Variants in G2E3 observed in about 807,000 individuals in gnomAD.
G2E3 encodes G2/M-phase specific E3 ubiquitin protein ligase.
Under a neutral mutation model 92.8 loss-of-function variants are expected in G2E3, and 35 were observed. That is an observed-to-expected ratio of 0.38 (90% CI 0.29 to 0.50). G2E3 has a LOEUF of 0.50. G2E3 is among the 20% of genes least tolerant of loss of function. The pLI is 0.94. For synonymous variants in G2E3, 242 were observed against 272.4 expected (o/e 0.89, Z 1.10); for missense variants, 554 against 823.8 (o/e 0.67, Z 4.01).
intron 7 of G2E3, among the ~76,000 whole-genome samples, chr14:30,597,796 G>C (rs1881363018): frequency 6.6e-6 from 1 of 152,002 alleles, no homozygotes; most frequent in Non-Finnish European, 1.5e-5. Flanking sequence ...CTTATAATAG[G>C]CTTCAAAATG....
At chr14:30,616,109 T>C (rs1241330026) in intron 14 of G2E3, among the ~76,000 whole-genome samples, 169 bp from the exon 15 acceptor site, 2 of 152,176 alleles carry the variant, frequency 1.3e-5, no homozygotes, top group Non-Finnish European at 2.9e-5. Context: ...TTATGTACTG[T>C]TTGCCTGTTA....
chr14:30,614,774 T>C (rs1028444794), intron 13 of G2E3, among the ~76,000 whole-genome samples: 2 of 152,220 alleles, frequency 1.3e-5, no homozygotes, highest in Non-Finnish European at 2.9e-5. Context: ...TTTTAAAATA[T>C]TCAGTTGTTA....
At position 30,616,784 on chromosome 14, in the gene G2E3, A is replaced by G; in HGVS notation, c.*250A>G. The G allele has an allele frequency of 7.0e-6, 2 of 284,172 alleles. No individual in the cohort carries two copies. Among genetic ancestry groups the G allele is most frequent in the Non-Finnish European group, 1.3e-5 (2 of 154,632 alleles). The allele number at this position is 284,172 out of a possible 1,614,324, so 17.6% of individuals were successfully genotyped here. ...ATATAGATACTTCATAAACCTCAAT[A>G]TAAATACTCTCAAAATGGTTGTATG... On this transcript the variant is annotated 3_prime_UTR_variant, in exon 15 of 15. Coordinates refer to ENST00000206595, the MANE Select transcript of G2E3 (RefSeq NM_017769.5).
At chr14:30,564,249 ACAATGG>A (rs1879297411) in intron 1 of G2E3, among the ~76,000 whole-genome samples, 1 of 152,222 alleles carries the variant, frequency 6.6e-6, no homozygotes, top group South Asian at 2.1e-4. Context: ...ACCTTTGTGT[ACAATGG>A]ACATATGCCT....
chr14:30,592,339 A>G lies in G2E3; in HGVS notation c.254A>G (p.Lys85Arg), dbSNP rs192177091. ...CTCTTCTAGAAATGCTGTGTTTGCA[A>G]GAAAAATGGTGCTTCAATTGGATGT... ...RASKLKCCVC[K>R]KNGASIGCVA... Residue 85 changes from lysine to arginine, a missense_variant, in exon 5 of 15, where the codon AAG becomes AGG. Physicochemically the swap from Lys to Arg is conservative, Grantham distance 26. Transcript: ENST00000206595. 1 of 1,612,850 alleles carries G rather than the reference A, an allele frequency of 6.2e-7. No individual in the cohort carries two copies. Among genetic ancestry groups the G allele is most frequent in the African/African-American group, 1.3e-5 (1 of 74,986 alleles).
intron 2 of G2E3, among the ~76,000 whole-genome samples, chr14:30,585,636 T>C (rs1443335952): frequency 6.6e-6 from 1 of 151,836 alleles, no homozygotes; most frequent in Non-Finnish European, 1.5e-5. Context: ...TGTTGATCTT[T>C]AAAAAGAACC....
intron 1 of G2E3, chr14:30,560,880 A>G: frequency 1.4e-6 from 1 of 693,904 alleles, no homozygotes; most frequent in Non-Finnish European, 2.6e-6. Context: ...CACTGATTTG[A>G]TCTTTCCTAG....
At chr14:30,615,227 G>T in intron 13 of G2E3, 122 bp from the exon 14 acceptor site, 6 of 547,602 alleles carry the variant, frequency 1.1e-5, no homozygotes, top group South Asian at 3.2e-5. Context: ...GGGTTTTTTG[G>T]TTGTTTTTTA....
chr14:30,565,050 A>C (rs932706481), intron 1 of G2E3, among the ~76,000 whole-genome samples: 1 of 152,234 alleles, frequency 6.6e-6, no homozygotes, highest in Non-Finnish European at 1.5e-5. Flanking sequence ...TGGAATTGCC[A>C]AACTGTTTTC....
At position 30,597,515 on chromosome 14, in the gene G2E3, T is replaced by G; in HGVS notation, c.624T>G (p.His208Gln). The G allele has an allele frequency of 2.0e-6, 3 of 1,478,084 alleles. No individual in the cohort carries two copies. The highest frequency in any genetic ancestry group is 2.8e-6 in the Non-Finnish European group (3 of 1,056,002). 91.6% of individuals were successfully genotyped at this position (1,478,084 alleles called of 1,614,324 possible). A position where few individuals can be genotyped will look rare whatever the true frequency, so the allele number is the denominator to read the frequency against. ...AAGAGATGTTGAGAATGGGAATTCATATTCCTGAAAAGTGAGTAACATTTA... is the reference window on the plus strand; with the variant it reads ...AAGAGATGTTGAGAATGGGAATTCAGATTCCTGAAAAGTGAGTAACATTTA... ...FQKEMLRMGI[H>Q]IPEKDASWEL... The change falls in exon 7 of 15, where the codon CAT becomes CAG. Residue 208 changes from histidine to glutamine, a missense_variant. Around this residue, in one of 3 missense-constraint regions of G2E3, gnomAD observed 20 missense variants for 62.3 expected, o/e 0.32. Transcript: ENST00000206595.
chr14:30,597,635 A>G (rs1426422916), intron 7 of G2E3, 109 bp downstream of exon 7: 1 of 686,320 alleles, frequency 1.5e-6, no homozygotes, highest in African/African-American at 1.8e-5. Context: ...ACAGGTAGCC[A>G]TTTCAAATGG....
chr14:30,562,854 C>G (rs771229215), intron 1 of G2E3, among the ~76,000 whole-genome samples: 4 of 152,234 alleles, frequency 2.6e-5, no homozygotes, highest in African/African-American at 7.2e-5. Flanking sequence ...TAAGCTGTCT[C>G]TCTCTCTGCC....
chr14:30,602,149 G>T lies in G2E3; in HGVS notation c.1010+18G>T. 1 of 1,565,588 alleles carries T rather than the reference G, an allele frequency of 6.4e-7. No individual in the cohort carries two copies. The stretch of plus-strand genomic sequence containing the variant: ...CTACTGAGGTATGTATTTTGAATTG[G>T]AGAAATACATAAAAATCTATTTGGA... On this transcript the variant is annotated intron_variant, in intron 10 of 14. Transcript: ENST00000206595.
chr14:30,583,785 AAAG>A (rs1310737723), intron 2 of G2E3, among the ~76,000 whole-genome samples: 1 of 152,230 alleles, frequency 6.6e-6, no homozygotes, highest in African/African-American at 2.4e-5. Context: ...GTTTTCTAAA[AAAG>A]GATTAGTTGA....
At position 30,597,491 on chromosome 14, in the gene G2E3, A is replaced by G. The variant is rs993687038; in HGVS notation, c.600A>G (p.Lys200=). Residue 200 remains lysine (K), a synonymous_variant, in exon 7 of 15, where the codon AAA becomes AAG. Coordinates refer to ENST00000206595, the MANE Select transcript of G2E3 (RefSeq NM_017769.5). Reference sequence around the variant, plus strand: ...GCAATAATAGTGACATCTTTCAGAAAGAGATGTTGAGAATGGGAATTCATA... The same window carrying G: ...GCAATAATAGTGACATCTTTCAGAAGGAGATGTTGAGAATGGGAATTCATA... The part of the protein sequence containing the change: ...TICNNSDIFQ[K]EMLRMGIHIP... The G allele has an allele frequency of 4.5e-6, 7 of 1,568,240 alleles. No homozygotes were observed. Among genetic ancestry groups the G allele is most frequent in the Non-Finnish European group, 6.1e-6 (7 of 1,138,312 alleles).
intron 1 of G2E3, among the ~76,000 whole-genome samples, chr14:30,563,147 A>G (rs935454042): frequency 4.3e-5 from 6 of 140,372 alleles, no homozygotes; most frequent in African/African-American, 1.1e-4. Context: ...TGGTCCCTAC[A>G]CTCTTGGTAC....
chr14:30,562,761 C>T (rs1436423603), intron 1 of G2E3, among the ~76,000 whole-genome samples: 5 of 152,152 alleles, frequency 3.3e-5, no homozygotes, highest in African/African-American at 1.2e-4. Flanking sequence ...ATGTTCCATC[C>T]TGTACACCTG....
At chr14:30,601,655 G>A in intron 8 of G2E3, 115 bp from the exon 9 acceptor site, 4 of 924,818 alleles carry the variant, frequency 4.3e-6, no homozygotes, top group East Asian at 2.4e-5. Flanking sequence ...TTAGTAAATC[G>A]ATTGGGCGGG....
intron 6 of G2E3, among the ~76,000 whole-genome samples, chr14:30,595,104 C>T (rs1366144157): frequency 2.0e-5 from 3 of 152,016 alleles, no homozygotes; most frequent in Non-Finnish European, 4.4e-5. Context: ...CACCACTGCA[C>T]TCCTGTCTGG....
Sources: allele counts gnomAD v4.1 joint callset (sites outside exome capture counted in the v4.1 genomes callset), GRCh38; gene constraint gnomAD v4.1.1; regional missense constraint gnomAD v4.1.1; transcripts MANE v1.5; gene names NCBI Gene and HGNC (gene_info 2026-07-23, HGNC 2026-07-21).